SIPA1L1: variants seen among roughly 807,000 people sequenced by gnomAD.
The protein encoded by SIPA1L1 is signal-induced proliferation-associated 1-like protein 1.
A neutral mutation model predicts 162.7 loss-of-function variants in SIPA1L1; 26 were observed. That is an observed-to-expected ratio of 0.16 (90% CI 0.12 to 0.22). The LOEUF (loss-of-function observed/expected upper bound fraction) is 0.22. Ranked by LOEUF, SIPA1L1 falls within the 10% of genes least tolerant of loss-of-function variation. SIPA1L1 has a pLI of 1.00. For synonymous variants in SIPA1L1, 829 were observed against 837.4 expected (o/e 0.99, Z 0.17); for missense variants, 1,874 against 2,241.0 (o/e 0.84, Z 3.31).
intron 2 of SIPA1L1, among the ~76,000 whole-genome samples, chr14:71,433,747 T>C (rs1451540008): frequency 6.6e-6 from 1 of 152,200 alleles, no homozygotes. Context: ...GCACTTTTCA[T>C]TGAAAAGGAT....
chr14:71,475,620 GA>G (rs2047784880), intron 2 of SIPA1L1, among the ~76,000 whole-genome samples: 1 of 152,062 alleles, frequency 6.6e-6, no homozygotes, highest in African/African-American at 2.4e-5. Flanking sequence ...AAATTAGAAA[GA>G]AAAAAATTAT....
intron 2 of SIPA1L1, among the ~76,000 whole-genome samples, chr14:71,343,920 A>G (rs1384053683): frequency 1.3e-5 from 2 of 152,246 alleles, no homozygotes; most frequent in African/African-American, 2.4e-5. Flanking sequence ...TTTCTCAGAT[A>G]CTAATCTATG....
chr14:71,402,939 C>G (rs572032632), intron 2 of SIPA1L1, among the ~76,000 whole-genome samples: 1 of 152,194 alleles, frequency 6.6e-6, no homozygotes, highest in South Asian at 2.1e-4. Context: ...TTTATAACTG[C>G]CGCTGTCCCC....
intron 2 of SIPA1L1, among the ~76,000 whole-genome samples, chr14:71,446,922 T>TG (rs2045436747): frequency 3.6e-5 from 4 of 112,060 alleles, no homozygotes; most frequent in African/African-American, 1.4e-4. Context: ...TTTTTTTTTT[T>TG]TTTTTTTGAG....
intron 2 of SIPA1L1, among the ~76,000 whole-genome samples, chr14:71,485,217 A>G (rs1399011266): frequency 6.6e-6 from 1 of 152,360 alleles, no homozygotes; most frequent in East Asian, 1.9e-4. Flanking sequence ...ATGCTATTAC[A>G]GTTAAGTCCA....
intron 5 of SIPA1L1, chr14:71,598,315 A>G: frequency 1.4e-6 from 1 of 707,342 alleles, no homozygotes; most frequent in Non-Finnish European, 1.7e-6. Context: ...GAGAAGCAGG[A>G]TTTGCATGAT....
chr14:71,663,151 G>A (rs2043683991), intron 10 of SIPA1L1, among the ~76,000 whole-genome samples: 1 of 152,152 alleles, frequency 6.6e-6, no homozygotes, highest in South Asian at 2.1e-4. Flanking sequence ...AGATATAGAT[G>A]AAATTAATGT....
At chr14:71,450,963 G>T (rs570145472) in intron 2 of SIPA1L1, among the ~76,000 whole-genome samples, 1 of 152,272 alleles carries the variant, frequency 6.6e-6, no homozygotes, top group South Asian at 2.1e-4. Context: ...CATGTTTATT[G>T]TGGCATTATT....
intron 5 of SIPA1L1, among the ~76,000 whole-genome samples, chr14:71,612,224 A>G (rs146895051): frequency 1.3e-5 from 2 of 152,150 alleles, no homozygotes; most frequent in Admixed American, 1.3e-4. Context: ...TTTGGATGTG[A>G]ACATTTTTGT....
chr14:71,721,838 A>G (rs1369034003), intron 17 of SIPA1L1, among the ~76,000 whole-genome samples: 1 of 152,130 alleles, frequency 6.6e-6, no homozygotes, highest in Admixed American at 6.5e-5. Context: ...GGGCTTGTTC[A>G]AGGACTGCAG....
intron 2 of SIPA1L1, among the ~76,000 whole-genome samples, chr14:71,354,053 T>C (rs143112658): frequency 6.6e-5 from 10 of 152,272 alleles, no homozygotes; most frequent in Non-Finnish European, 1.5e-4. Flanking sequence ...CAATTTTTTT[T>C]TCCCCGTTTC....
At chr14:71,548,650 A>C (rs991805483) in intron 4 of SIPA1L1, among the ~76,000 whole-genome samples, 1 of 152,164 alleles carries the variant, frequency 6.6e-6, no homozygotes, top group Non-Finnish European at 1.5e-5. Context: ...TAATCTCAGC[A>C]CTTTGGGAGG....
rs112541961 is a variant in SIPA1L1 at position 71,575,734 on chromosome 14, C to T, written c.-302-11837C>T. On this transcript the variant is annotated intron_variant, in intron 4 of 23. Transcript: ENST00000381232. ...TACTTCATTGTGACAGTGTTTTATC[C>T]AGTTCTGTGTCACTTCTTGTTAATC... Among the ~76,000 whole-genome samples, 680 of 152,192 alleles carry T rather than the reference C, an allele frequency of 4.5e-3. 6 individuals carry two copies. The highest frequency in any genetic ancestry group is 0.015 in the African/African-American group (631 of 41,502).
At chr14:71,500,145 A>G (rs1276259707) in intron 2 of SIPA1L1, among the ~76,000 whole-genome samples, 5 of 152,244 alleles carry the variant, frequency 3.3e-5, no homozygotes, top group Non-Finnish European at 5.9e-5. Flanking sequence ...TAAGTTGAAC[A>G]TTAAAATTAA....
intron 2 of SIPA1L1, among the ~76,000 whole-genome samples, chr14:71,380,851 A>G (rs2039834738): frequency 6.6e-6 from 1 of 152,206 alleles, no homozygotes. Flanking sequence ...TTGAAGACCA[A>G]AGATCCAAGT....
intron 12 of SIPA1L1, among the ~76,000 whole-genome samples, chr14:71,675,689 G>T (rs2045084768): frequency 6.6e-6 from 1 of 152,034 alleles, no homozygotes; most frequent in Admixed American, 6.5e-5. Context: ...TCTCTTCTTT[G>T]TCAGCTGGGA....
intron 2 of SIPA1L1, among the ~76,000 whole-genome samples, chr14:71,351,444 A>G (rs2140615016): frequency 6.6e-6 from 1 of 152,348 alleles, no homozygotes; most frequent in South Asian, 2.1e-4. Flanking sequence ...GAAGGAAAAA[A>G]ATGGAATTAA....
Position 71,555,335 on chromosome 14 carries a change from C to A in SIPA1L1, c.-303+25965C>A, listed in dbSNP as rs1303248909. On this transcript the variant is annotated intron_variant, in intron 4 of 23. Coordinates refer to ENST00000381232, the MANE Select transcript of SIPA1L1 (RefSeq NM_001386936.1). ...TATGGAGACAGCTTCCTTCCCGAAA[C>A]CTGATGAACCAATGTCTGCTGGCTT... Among the ~76,000 whole-genome samples the A allele has an allele frequency of 3.3e-5, 5 of 152,306 alleles. No individual in the cohort carries two copies. The South Asian group carries it at 8.3e-4, about 25-fold the overall frequency.
chr14:71,501,434 A>G (rs889923877), intron 2 of SIPA1L1, among the ~76,000 whole-genome samples: 3 of 152,074 alleles, frequency 2.0e-5, no homozygotes, highest in South Asian at 4.2e-4. Flanking sequence ...AATGTGAAAC[A>G]AAAGAAGACA....
Sources: allele counts gnomAD v4.1 joint callset (sites outside exome capture counted in the v4.1 genomes callset), GRCh38; gene constraint gnomAD v4.1.1; transcripts MANE v1.5; gene names NCBI Gene and HGNC (gene_info 2026-07-23, HGNC 2026-07-21).